SORCS3: variants seen among roughly 807,000 people sequenced by gnomAD.
The protein encoded by SORCS3 is VPS10 domain-containing receptor SorCS3.
SORCS3 carries 57 observed loss-of-function variants against 146.3 expected under a neutral mutation model. The observed-to-expected ratio is 0.39, with a 90% CI of 0.31 to 0.49. The LOEUF is 0.49. SORCS3 is among the 20% of genes least tolerant of loss of function. The pLI, the probability that SORCS3 is intolerant of heterozygous loss-of-function variation, is 0.92. For synonymous variants in SORCS3, 653 were observed against 618.5 expected (o/e 1.06, Z -0.83); for missense variants, 1,341 against 1,575.5 (o/e 0.85, Z 2.52).
At chr10:105,242,473 T>TAC (rs1290345682) in intron 20 of SORCS3, among the ~76,000 whole-genome samples, 2 of 89,918 alleles carry the variant, frequency 2.2e-5, no homozygotes, top group East Asian at 6.9e-4. Flanking sequence ...TATATTTATA[T>TAC]ATTTATATAT....
chr10:104,714,387 C>G (rs1438121961), intron 1 of SORCS3, among the ~76,000 whole-genome samples: 1 of 152,064 alleles, frequency 6.6e-6, no homozygotes, highest in African/African-American at 2.4e-5. Flanking sequence ...AACATATGCA[C>G]TTAATGCTAT....
intron 9 of SORCS3, among the ~76,000 whole-genome samples, chr10:105,148,794 T>G (rs1364122388): frequency 1.3e-5 from 2 of 152,050 alleles, no homozygotes; most frequent in Non-Finnish European, 2.9e-5. Flanking sequence ...CCTGTCAAAA[T>G]CCCAGCAGCC....
chr10:104,807,069 C>T (rs1257308289), intron 1 of SORCS3, among the ~76,000 whole-genome samples: 2 of 151,756 alleles, frequency 1.3e-5, no homozygotes, highest in South Asian at 2.1e-4. Context: ...ATTCAGAATG[C>T]CTCTGGGAAA....
Position 104,666,426 on chromosome 10 carries a change from A to G in SORCS3, c.627+24472A>G, listed in dbSNP as rs1456065334. 2.0e-5 allele frequency among the ~76,000 whole-genome samples: 3 copies of G among 152,202 alleles called. No homozygotes were observed. The East Asian group carries it at 5.8e-4, about 29-fold the overall frequency. On this transcript the variant is annotated intron_variant, in intron 1 of 26. Coordinates refer to ENST00000369701, the MANE Select transcript of SORCS3 (RefSeq NM_014978.3). ...ATGAAATGCCAATAAAATAGGACGCAGTCACAGAAATAGGATTTTTCTGTC... is the reference window on the plus strand; with the variant it reads ...ATGAAATGCCAATAAAATAGGACGCGGTCACAGAAATAGGATTTTTCTGTC...
intron 5 of SORCS3, among the ~76,000 whole-genome samples, chr10:105,076,034 G>A (rs1589620642): frequency 6.6e-6 from 1 of 152,284 alleles, no homozygotes; most frequent in Admixed American, 6.5e-5. Context: ...GTGTGCCTGT[G>A]TGTCTCTGTA....
At chr10:104,933,806 C>T (rs1428617187) in intron 3 of SORCS3, among the ~76,000 whole-genome samples, 1 of 152,024 alleles carries the variant, frequency 6.6e-6, no homozygotes, top group Non-Finnish European at 1.5e-5. Flanking sequence ...CAGCTTAAAT[C>T]TTCCTTCCTT....
intron 4 of SORCS3, among the ~76,000 whole-genome samples, chr10:105,007,874 C>T (rs1405016558): frequency 6.6e-6 from 1 of 152,162 alleles, no homozygotes; most frequent in African/African-American, 2.4e-5. Context: ...AGGACATAAG[C>T]TAGAACTCCA....
At chr10:105,097,906 G>A (rs944306202) in intron 6 of SORCS3, among the ~76,000 whole-genome samples, 1 of 152,158 alleles carries the variant, frequency 6.6e-6, no homozygotes, top group Non-Finnish European at 1.5e-5. Context: ...CTAGAAATGT[G>A]CAGAATCAAA....
chr10:105,217,752 C>T (rs1589693256), intron 19 of SORCS3: 2 of 450,586 alleles, frequency 4.4e-6, no homozygotes, highest in East Asian at 1.4e-4. Flanking sequence ...GTTGGTGTTC[C>T]AAAATATTTC....
intron 25 of SORCS3, among the ~76,000 whole-genome samples, chr10:105,261,427 TCA>T (rs2056959798): frequency 1.3e-5 from 2 of 152,204 alleles, no homozygotes; most frequent in East Asian, 3.8e-4. Flanking sequence ...AGCATCAGCA[TCA>T]CCTGGGAGCT....
intron 1 of SORCS3, among the ~76,000 whole-genome samples, chr10:104,691,750 T>C (rs930158881): frequency 6.6e-6 from 1 of 152,106 alleles, no homozygotes; most frequent in African/African-American, 2.4e-5. Flanking sequence ...TTTTTTCTTT[T>C]TGTTTTTTGA....
intron 5 of SORCS3, among the ~76,000 whole-genome samples, chr10:105,074,046 T>C (rs1190495808): frequency 6.6e-6 from 1 of 152,242 alleles, no homozygotes; most frequent in Non-Finnish European, 1.5e-5. Flanking sequence ...GACCTCATTT[T>C]CCACATTTTC....
At chr10:105,072,136 A>C (rs2055560225) in intron 5 of SORCS3, among the ~76,000 whole-genome samples, 1 of 152,024 alleles carries the variant, frequency 6.6e-6, no homozygotes, top group Non-Finnish European at 1.5e-5. Context: ...TTGCAATTCA[A>C]ATTCTTTATT....
At chr10:105,098,584 C>T (rs791116) in intron 6 of SORCS3, among the ~76,000 whole-genome samples, 24,150 of 152,120 alleles carry the variant, frequency 0.16, 2,117 homozygotes, top group Middle Eastern at 0.2. Context: ...CTTCCTAGAG[C>T]TGTGGAACTT....
intron 6 of SORCS3, among the ~76,000 whole-genome samples, chr10:105,098,094 A>G (rs1384083208): frequency 2.0e-5 from 3 of 152,228 alleles, no homozygotes; most frequent in Non-Finnish European, 2.9e-5. Flanking sequence ...TTTGAAGACT[A>G]AACTCTAGGC....
intron 2 of SORCS3, among the ~76,000 whole-genome samples, chr10:104,857,671 A>T (rs975025015): frequency 6.6e-6 from 1 of 152,182 alleles, no homozygotes; most frequent in Non-Finnish European, 1.5e-5. Flanking sequence ...TTGTATAAAC[A>T]TGGATTCTAC....
chr10:105,197,829 A>G (rs1408457691), intron 14 of SORCS3, among the ~76,000 whole-genome samples: 3 of 152,292 alleles, frequency 2.0e-5, no homozygotes, highest in East Asian at 1.9e-4. Flanking sequence ...TGCTTCTGCC[A>G]TCGAGCATAT....
chr10:105,115,176 C>T (rs1051999734), intron 7 of SORCS3, among the ~76,000 whole-genome samples: 3 of 152,140 alleles, frequency 2.0e-5, no homozygotes, highest in African/African-American at 7.2e-5. Context: ...TGCCACCTAC[C>T]AGCCAGGAAA....
chr10:104,660,765 G>A (rs1381978153), intron 1 of SORCS3, among the ~76,000 whole-genome samples: 1 of 152,186 alleles, frequency 6.6e-6, no homozygotes, highest in Admixed American at 6.5e-5. Context: ...TTTAGGGCTG[G>A]CATCAGGGAG....
Sources: allele counts gnomAD v4.1 joint callset (sites outside exome capture counted in the v4.1 genomes callset), GRCh38; gene constraint gnomAD v4.1.1; transcripts MANE v1.5; gene names NCBI Gene and HGNC (gene_info 2026-07-23, HGNC 2026-07-21).